Variants in LMO4 observed in about 807,000 individuals in gnomAD.
The protein encoded by LMO4 is LIM domain only 4.
In LMO4, 3 loss-of-function variants were observed where a neutral mutation model predicts 18.5. The observed-to-expected ratio is 0.16, with a 90% confidence interval of 0.07 to 0.42. The LOEUF (loss-of-function observed/expected upper bound fraction) is 0.42, where lower values mean the gene tolerates loss of function less well. LMO4 is among the 10% of genes least tolerant of loss of function. The probability of loss-of-function intolerance (pLI) is 0.99; values close to 1 mark genes in which losing one functional copy is unlikely to be tolerated. For missense variants in LMO4, 121 were observed against 219.9 expected, an observed-to-expected ratio of 0.55 and a Z score of 2.84; for synonymous variants, 100 against 88.1, an observed-to-expected ratio of 1.14 and a Z score of -0.76.
rs1321369803 is a variant in LMO4 at position 87,340,073 on chromosome 1, T to C, written c.360T>C (p.Asn120=). 3 of 1,614,084 alleles carry C rather than the reference T, an allele frequency of 1.9e-6. No homozygotes were observed. In the South Asian group the frequency reaches 3.3e-5, roughly 18 times the overall value. ...LKCFTCSTCR[N]RLVPGDRFHY... is the part of the protein sequence containing the mutation. ...GTTTTACATGCTCTACCTGCCGGAA[T>C]CGCCTGGTCCCGGGAGATCGGTTTC... The change falls in exon 4 of 5, where the codon AAT becomes AAC. Residue 120 remains asparagine (N), a synonymous_variant. Transcript: ENST00000370544.
rs564824063 is a variant in LMO4 at position 87,345,574 on chromosome 1, A to T, written c.*778A>T. On this transcript the variant is annotated 3_prime_UTR_variant, in exon 5 of 5. Coordinates refer to ENST00000370544, the MANE Select transcript of LMO4 (RefSeq NM_006769.4). ...ATTTAAATAATAAAAACTTAAAAGA[A>T]AAAATATTTAATGGTGTTTGGGTTT... is the stretch of plus-strand genomic sequence containing the variant. 8 of 152,202 alleles carry T rather than the reference A, an allele frequency of 5.3e-5. No individual in the cohort carries two copies. The highest frequency in any genetic ancestry group is 1.0e-4 in the Non-Finnish European group (7 of 68,038). 9.4% of individuals were successfully genotyped at this position (152,202 alleles called of 1,614,324 possible).
At chr1:87,331,840 GC>G in intron 1 of LMO4, 172 bp from the exon 2 acceptor site, 3 of 584,932 alleles carry the variant, frequency 5.1e-6, no homozygotes, top group South Asian at 2.2e-5. Flanking sequence ...CTGCCGGCGA[GC>G]CTCCCTTCTT....
chr1:87,336,880 G>A (rs1264763640), intron 2 of LMO4, among the ~76,000 whole-genome samples: 3 of 152,140 alleles, frequency 2.0e-5, no homozygotes, highest in Non-Finnish European at 2.9e-5. Flanking sequence ...CTACTTAATT[G>A]AGCACCTAAA....
At position 87,339,082 on chromosome 1, in the gene LMO4, C is replaced by G. The variant is rs1344450734; in HGVS notation, c.237-454C>G. Among the ~76,000 whole-genome samples, 3 of 152,334 alleles carry G rather than the reference C, an allele frequency of 2.0e-5. No homozygotes were observed. In the East Asian group the frequency reaches 5.8e-4, roughly 29 times the overall value. Reference sequence around the variant, plus strand: ...GGAGGTTTACGGGAGTTTCAATACACTGAGCATGATGTCTTCTTAGATATA... The same window carrying G: ...GGAGGTTTACGGGAGTTTCAATACAGTGAGCATGATGTCTTCTTAGATATA... On this transcript the variant is annotated intron_variant, in intron 2 of 4. Coordinates refer to ENST00000370544, the MANE Select transcript of LMO4 (RefSeq NM_006769.4).
At chr1:87,335,540 C>T (rs1650283178) in intron 2 of LMO4, among the ~76,000 whole-genome samples, 1 of 151,954 alleles carries the variant, frequency 6.6e-6, no homozygotes. Context: ...TCACGTGGCG[C>T]CCGCAGCCGC....
rs1650045386 is a variant in LMO4, at chr1:87,328,903, T to G, written c.-345T>G. On this transcript the variant is annotated 5_prime_UTR_variant, in exon 1 of 5. Transcript: ENST00000370544. ...TTGCAGCAGCGATTGCAGCAGTTGC[T>G]GCCGCTGCGCCGCGCCTGAAGCCGC... is the stretch of plus-strand genomic sequence containing the variant. 6.6e-6 allele frequency: 1 copy of G among 152,314 alleles called. No homozygotes were observed. Among genetic ancestry groups the G allele is most frequent in the Non-Finnish European group, 1.5e-5 (1 of 67,996 alleles). 9.4% of individuals were successfully genotyped at this position (152,314 alleles called of 1,614,324 possible).
At chr1:87,344,114 G>A (rs1272019925) in intron 4 of LMO4, among the ~76,000 whole-genome samples, 1 of 152,094 alleles carries the variant, frequency 6.6e-6, no homozygotes, top group Non-Finnish European at 1.5e-5. Context: ...AAGAAATAGT[G>A]AAAAATATGT....
rs1650607120 is a variant in LMO4 at position 87,345,731 on chromosome 1, T to A, written c.*935T>A. On this transcript the variant is annotated 3_prime_UTR_variant, in exon 5 of 5. Coordinates refer to ENST00000370544, the MANE Select transcript of LMO4 (RefSeq NM_006769.4). ...TTTATTTAGCTCTGGGCCAGTAAGG[T>A]ATTCTTCAAATTACTTAACCACGCC... 6.6e-6 allele frequency: 1 copy of A among 152,172 alleles called. No homozygotes were observed. Among genetic ancestry groups the A allele is most frequent in the Non-Finnish European group, 1.5e-5 (1 of 68,026 alleles). The allele number at this position is 152,172 out of a possible 1,614,324, so 9.4% of individuals were successfully genotyped here. A position where few individuals can be genotyped will look rare whatever the true frequency, so the allele number is the denominator to read the frequency against.
At position 87,339,612 on chromosome 1, in the gene LMO4, G is replaced by C; in HGVS notation, c.313G>C (p.Gly105Arg). ...GAGTGAACTCGTCATGAGGGCGCAA[G>C]GCAATGTGTATCATCTTAAGGTAGT... ...PASELVMRAQ[G>R]NVYHLKCFTC... The change falls in exon 3 of 5, where the codon GGC becomes CGC. Residue 105 changes from glycine (G) to arginine (R), a missense_variant. By Grantham distance (125) the Gly-to-Arg change is moderately radical (BLOSUM62 -2). Coordinates refer to ENST00000370544, the MANE Select transcript of LMO4 (RefSeq NM_006769.4). The C allele has an allele frequency of 6.2e-7, 1 of 1,612,394 alleles. No homozygotes were observed. The highest frequency in any genetic ancestry group is 8.5e-7 in the Non-Finnish European group (1 of 1,178,508).
intron 2 of LMO4, among the ~76,000 whole-genome samples, chr1:87,334,878 C>T (rs1650256749): frequency 6.6e-6 from 1 of 152,186 alleles, no homozygotes; most frequent in Non-Finnish European, 1.5e-5. Flanking sequence ...TAATTAGTGG[C>T]TCCTCCATTT....
intron 2 of LMO4, among the ~76,000 whole-genome samples, chr1:87,333,631 A>AT (rs1270560170): frequency 6.6e-6 from 1 of 152,344 alleles, no homozygotes; most frequent in Non-Finnish European, 1.5e-5. Flanking sequence ...ACCTGTGTCG[A>AT]TTCTGCTGGC....
Position 87,348,425 on chromosome 1 carries a change from T to C in LMO4, c.*3629T>C, listed in dbSNP as rs2100574854. ...TGCAGCCAAGTCACAGAAGTGCTTA[T>C]TGCAGTTAAATAGCAATTTGTTTCC... On this transcript the variant is annotated 3_prime_UTR_variant, in exon 5 of 5. Coordinates refer to ENST00000370544, the MANE Select transcript of LMO4 (RefSeq NM_006769.4). The C allele has an allele frequency of 3.3e-6, 1 of 303,660 alleles. No individual in the cohort carries two copies. Among genetic ancestry groups the C allele is most frequent in the East Asian group, 7.7e-5 (1 of 12,968 alleles). 18.8% of individuals were successfully genotyped at this position (303,660 alleles called of 1,614,324 possible). A position where few individuals can be genotyped will look rare whatever the true frequency, so the allele number is the denominator to read the frequency against.
At chr1:87,339,660 T>TTA in intron 3 of LMO4, 28 bp downstream of exon 3, 4 of 1,238,884 alleles carry the variant, frequency 3.2e-6, no homozygotes, top group Non-Finnish European at 4.6e-6. Flanking sequence ...CTTTTTTTTT[T>TTA]AAAAAAAAAA....
rs541337292 is a variant in LMO4, at chr1:87,346,132, C to T, written c.*1336C>T. ...TAGCCATTTCCTGGTGACCCTTAGGCTCGTGTGGTTGGCTGTAAGGTGTTT... is the reference window on the plus strand; with the variant it reads ...TAGCCATTTCCTGGTGACCCTTAGGTTCGTGTGGTTGGCTGTAAGGTGTTT... On this transcript the variant is annotated 3_prime_UTR_variant, in exon 5 of 5. Transcript: ENST00000370544. The T allele has an allele frequency of 4.6e-5, 7 of 152,274 alleles. No individual in the cohort carries two copies. The highest frequency in any genetic ancestry group is 1.7e-4 in the African/African-American group (7 of 41,564). The allele number at this position is 152,274 out of a possible 1,614,324, so 9.4% of individuals were successfully genotyped here. A position where few individuals can be genotyped will look rare whatever the true frequency, so the allele number is the denominator to read the frequency against.
Position 87,339,636 on chromosome 1 carries a change from G to T in LMO4, c.333+4G>T. The T allele has an allele frequency of 6.3e-7, 1 of 1,578,836 alleles. No homozygotes were observed. Among genetic ancestry groups the T allele is most frequent in the Non-Finnish European group, 8.7e-7 (1 of 1,150,160 alleles). ...AGGCAATGTGTATCATCTTAAGGTAGTATTTGCATCTCTCTTTTTTTTTTA... is the reference window on the plus strand; with the variant it reads ...AGGCAATGTGTATCATCTTAAGGTATTATTTGCATCTCTCTTTTTTTTTTA... On this transcript the variant is annotated splice_donor_region_variant and intron_variant, in intron 3 of 4. Transcript: ENST00000370544.
chr1:87,341,506 A>G (rs915777530), intron 4 of LMO4, among the ~76,000 whole-genome samples: 4 of 152,168 alleles, frequency 2.6e-5, no homozygotes, highest in Admixed American at 6.5e-5. Context: ...AATCTCGGGG[A>G]AAAAAATAGA....
At position 87,348,402 on chromosome 1, in the gene LMO4, C is replaced by G. The variant is rs1650694112; in HGVS notation, c.*3606C>G. Reference sequence around the variant, plus strand: ...TACTAAGACTCACCTATTGTTAGTGCAGCCAAGTCACAGAAGTGCTTATTG... The same window carrying G: ...TACTAAGACTCACCTATTGTTAGTGGAGCCAAGTCACAGAAGTGCTTATTG... On this transcript the variant is annotated 3_prime_UTR_variant, in exon 5 of 5. Coordinates refer to ENST00000370544, the MANE Select transcript of LMO4 (RefSeq NM_006769.4). 7.1e-6 allele frequency: 2 copies of G among 283,528 alleles called. No homozygotes were observed. The highest frequency in any genetic ancestry group is 8.4e-5 in the Admixed American group (2 of 23,852). 17.6% of individuals were successfully genotyped at this position (283,528 alleles called of 1,614,324 possible). A position where few individuals can be genotyped will look rare whatever the true frequency, so the allele number is the denominator to read the frequency against.
rs1271247400 is a variant in LMO4 at position 87,347,209 on chromosome 1, A to G, written c.*2413A>G. On this transcript the variant is annotated 3_prime_UTR_variant, in exon 5 of 5. Transcript: ENST00000370544. ...TGTTAGTATAATCCACATGCAAGTG[A>G]TGAAGCCTTCTCTTTGATGTGCTAA... 1 of 152,240 alleles carries G rather than the reference A, an allele frequency of 6.6e-6. No individual in the cohort carries two copies. The highest frequency in any genetic ancestry group is 2.4e-5 in the African/African-American group (1 of 41,466). 9.4% of individuals were successfully genotyped at this position (152,240 alleles called of 1,614,324 possible).
chr1:87,335,620 G>A (rs112879529), intron 2 of LMO4, among the ~76,000 whole-genome samples: 59 of 152,226 alleles, frequency 3.9e-4, no homozygotes, highest in African/African-American at 1.3e-3. Flanking sequence ...TGGTGGTGGA[G>A]GGTGTGTTTG....
Sources: allele counts gnomAD v4.1 joint callset (sites outside exome capture counted in the v4.1 genomes callset), GRCh38; gene constraint gnomAD v4.1.1; transcripts MANE v1.5; gene names NCBI Gene and HGNC (gene_info 2026-07-23, HGNC 2026-07-21).